Variants in RYR1 observed in about 807,000 individuals in gnomAD.
RYR1 encodes ryanodine receptor 1.
In RYR1, 342 loss-of-function variants were observed where a neutral mutation model predicts 583.5. That is an observed-to-expected ratio of 0.59 (90% CI 0.54 to 0.64). The LOEUF (loss-of-function observed/expected upper bound fraction) is 0.64, where lower values mean the gene tolerates loss of function less well. RYR1 is among the 30% of genes least tolerant of loss of function. RYR1 has a pLI of 0.00. For missense variants in RYR1, 6,032 were observed against 6,917.2 expected, an observed-to-expected ratio of 0.87 and a Z score of 4.54; for synonymous variants, 2,791 against 2,822.5, an observed-to-expected ratio of 0.99 and a Z score of 0.35.
At chr19:38,528,554 A>T (rs1238373258) in intron 74 of RYR1, 45 bp from the exon 75 acceptor site, 1 of 1,607,488 alleles carries the variant, frequency 6.2e-7, no homozygotes, top group East Asian at 2.2e-5. Flanking sequence ...GTCGGGAAGC[A>T]CGGAGGAGGG....
chr19:38,496,333 A>C lies in RYR1; in HGVS notation c.6663+4A>C. 1.2e-6 allele frequency: 2 copies of C among 1,613,932 alleles called. No individual in the cohort carries two copies. Among genetic ancestry groups the C allele is most frequent in the Non-Finnish European group, 1.7e-6 (2 of 1,180,014 alleles). Reference sequence around the variant, plus strand: ...CCTCGGGGGCGGCGAGTCCAAGGTGAGGGCCCAGGCAGGTGCTGGGGAGCT... The same window carrying C: ...CCTCGGGGGCGGCGAGTCCAAGGTGCGGGCCCAGGCAGGTGCTGGGGAGCT... On this transcript the variant is annotated splice_donor_region_variant and intron_variant, in intron 40 of 105. Transcript: ENST00000359596. The surrounding 1 kb of genome is among the most constrained non-coding windows in gnomAD (Gnocchi z 4.8).
At chr19:38,523,712 C>A in intron 69 of RYR1, 2 of 655,816 alleles carry the variant, frequency 3.0e-6, no homozygotes, top group Non-Finnish European at 5.5e-6. Flanking sequence ...TCCTGCTTTC[C>A]TCCCTATCCT....
intron 89 of RYR1, among the ~76,000 whole-genome samples, chr19:38,552,269 T>C (rs1428227108): frequency 6.6e-6 from 1 of 150,858 alleles, no homozygotes; most frequent in Non-Finnish European, 1.5e-5. Context: ...TTTTTTTTTT[T>C]TGAGATGGAG....
At chr19:38,568,437 T>C (rs1193234512) in intron 93 of RYR1, among the ~76,000 whole-genome samples, 1 of 151,794 alleles carries the variant, frequency 6.6e-6, no homozygotes, top group Non-Finnish European at 1.5e-5. Context: ...CCTGGCCCGA[T>C]AGGAGGGGGT....
At chr19:38,479,529 T>G (rs1164135864) in intron 31 of RYR1, among the ~76,000 whole-genome samples, 1 of 151,562 alleles carries the variant, frequency 6.6e-6, no homozygotes, top group Non-Finnish European at 1.5e-5. Context: ...TGTCTCAGCT[T>G]CCTAAGTAGC....
At position 38,455,694 on chromosome 19, in the gene RYR1, G is replaced by C. The variant is rs1353354857; in HGVS notation, c.1734G>C (p.Gln578His). ...IESPEVLNII[Q>H]ENHIKSIISL... ...GTCCAGAGGTTCTGAACATCATCCAGGAGAATCACATCAAGTCCATCATCT... is the reference window on the plus strand; with the variant it reads ...GTCCAGAGGTTCTGAACATCATCCACGAGAATCACATCAAGTCCATCATCT... The change falls in exon 16 of 106, where the codon CAG becomes CAC. Residue 578 changes from glutamine to histidine, a missense_variant. By Grantham distance (24) the Gln-to-His change is conservative (BLOSUM62 0). This residue lies in a region of RYR1 where 2,627 missense variants were observed against 2,961.3 expected (regional missense o/e 0.89). Transcript: ENST00000359596. 3.7e-6 allele frequency: 6 copies of C among 1,614,016 alleles called. No homozygotes were observed. Among genetic ancestry groups the C allele is most frequent in the Non-Finnish European group, 4.2e-6 (5 of 1,179,986 alleles).
At position 38,561,040 on chromosome 19, in the gene RYR1, TAAAAA is replaced by T. The variant is rs550360145; in HGVS notation, c.12283-60_12283-56del. On this transcript the variant is annotated intron_variant, in intron 89 of 105. Coordinates refer to ENST00000359596, the MANE Select transcript of RYR1 (RefSeq NM_000540.3). The surrounding 1 kb of genome is among the most constrained non-coding windows in gnomAD (Gnocchi z 4.8). ...TGGGCGACACAGCGAGACCTTGTCT[TAAAAA>T]AAAAAAAAAAAAGAGAGAGAATTGA... 7.2e-5 allele frequency: 83 copies of T among 1,160,674 alleles called. No homozygotes were observed. The highest frequency in any genetic ancestry group is 9.7e-5 in the Admixed American group (4 of 41,042). 71.9% of individuals were successfully genotyped at this position (1,160,674 alleles called of 1,614,324 possible).
At chr19:38,497,076 A>C in intron 42 of RYR1, 122 bp downstream of exon 42, 1 of 778,580 alleles carries the variant, frequency 1.3e-6, no homozygotes, top group Non-Finnish European at 2.2e-6. Context: ...TCCAGTGCCC[A>C]ACCAGAAGGA....
chr19:38,453,291 A>G (rs1167099339), intron 13 of RYR1, among the ~76,000 whole-genome samples: 1 of 150,694 alleles, frequency 6.6e-6, no homozygotes, highest in Non-Finnish European at 1.5e-5. Flanking sequence ...CCTGGAGAGA[A>G]GGATGGAATA....
chr19:38,550,633 C>A (rs1489789123), intron 89 of RYR1, among the ~76,000 whole-genome samples: 1 of 152,154 alleles, frequency 6.6e-6, no homozygotes, highest in Non-Finnish European at 1.5e-5. Context: ...GCCTCAGCCA[C>A]CCAAAGTGCT....
intron 93 of RYR1, among the ~76,000 whole-genome samples, chr19:38,570,381 G>A (rs1226445156): frequency 2.0e-5 from 3 of 152,104 alleles, no homozygotes; most frequent in Admixed American, 6.5e-5. Context: ...GAACCCGGGC[G>A]GCAGAGGTTG....
chr19:38,532,694 G>A lies in RYR1; in HGVS notation c.11217G>A (p.Gly3739=), dbSNP rs148659292. 2.3e-5 allele frequency: 37 copies of A among 1,613,994 alleles called. No homozygotes were observed. The African/African-American group carries it at 4.9e-4, about 22-fold the overall frequency. ...MAKSCHLEEG[G]ENGEAEEEVE... is the part of the protein sequence containing the mutation. ...AGAGCTGCCACCTGGAGGAGGGAGG[G>A]GAGAACGGTGAAGCTGAAGAGGAGG... The change falls in exon 78 of 106, where the codon GGG becomes GGA. Residue 3739 remains glycine, a synonymous_variant. Transcript: ENST00000359596.
intron 84 of RYR1, among the ~76,000 whole-genome samples, chr19:38,540,114 C>CG (rs1382117953): frequency 2.0e-5 from 3 of 151,934 alleles, no homozygotes; most frequent in South Asian, 2.1e-4. Flanking sequence ...GAAAGAAAAA[C>CG]GGGGGGCAAA....
intron 88 of RYR1, 88 bp from the exon 89 acceptor site, chr19:38,548,145 G>A: frequency 6.3e-6 from 9 of 1,430,838 alleles, no homozygotes. Flanking sequence ...CAGCAGCGTG[G>A]TGGCTCCTGG....
intron 99 of RYR1, among the ~76,000 whole-genome samples, chr19:38,578,506 A>G (rs558791155): frequency 1.3e-5 from 2 of 152,304 alleles, no homozygotes; most frequent in Admixed American, 6.5e-5. Context: ...AGCCTGGGCA[A>G]TATAGTGAGA....
In RYR1 at chr19:38,473,411, C is replaced by G. The variant is rs150495044; in HGVS notation, c.3800C>G (p.Pro1267Arg). The change falls in exon 28 of 106, where the codon CCC becomes CGC. Residue 1267 changes from proline to arginine, a missense_variant. Physicochemically the swap from Pro to Arg is moderately radical, Grantham distance 103 (BLOSUM62 -2). This residue lies in a region of RYR1 where 2,627 missense variants were observed against 2,961.3 expected (regional missense o/e 0.89). Coordinates refer to ENST00000359596, the MANE Select transcript of RYR1 (RefSeq NM_000540.3). The part of the protein sequence containing the change: ...SRVDGTVDTP[P>R]CLRLTHRTWG... Reference sequence around the variant, plus strand: ...GTGGACGGCACTGTGGACACGCCCCCCTGCCTGCGCCTGACCCACCGCACC... The same window carrying G: ...GTGGACGGCACTGTGGACACGCCCCGCTGCCTGCGCCTGACCCACCGCACC... The G allele has an allele frequency of 9.3e-6, 15 of 1,613,882 alleles. No individual in the cohort carries two copies. The highest frequency in any genetic ancestry group is 2.2e-5 in the East Asian group (1 of 44,866).
In RYR1 at chr19:38,473,430, C is replaced by T. The variant is rs1193901122; in HGVS notation, c.3819C>T (p.His1273=). The change falls in exon 28 of 106, where the codon CAC becomes CAT. Residue 1273 remains histidine, a synonymous_variant. Coordinates refer to ENST00000359596, the MANE Select transcript of RYR1 (RefSeq NM_000540.3). ...VDTPPCLRLT[H]RTWGSQNSLV... ...CGCCCCCCTGCCTGCGCCTGACCCA[C>T]CGCACCTGGGGCTCCCAGAACAGCC... 6.2e-7 allele frequency: 1 copy of T among 1,613,968 alleles called. No individual in the cohort carries two copies. The highest frequency in any genetic ancestry group is 8.5e-7 in the Non-Finnish European group (1 of 1,179,962).
chr19:38,475,130 C>T (rs1968650519), intron 28 of RYR1, among the ~76,000 whole-genome samples, 188 bp from the exon 29 acceptor site: 2 of 152,162 alleles, frequency 1.3e-5, no homozygotes, highest in South Asian at 4.1e-4. Context: ...ACTCAGCATC[C>T]ACAAGCGCAG....
Position 38,463,522 on chromosome 19 carries a change from G to A in RYR1, c.2677G>A (p.Gly893Ser), listed in dbSNP as rs147336515. The A allele has an allele frequency of 3.4e-4, 543 of 1,611,748 alleles. No homozygotes were observed. In the African/African-American group the frequency reaches 6.4e-3, roughly 19 times the overall value. The change falls in exon 21 of 106, where the codon GGC becomes AGC. Residue 893 changes from glycine (G) to serine (S), a missense_variant. Transcript: ENST00000359596. ...LTRIEQGWTY[G>S]PVRDDNKRLH... Reference sequence around the variant, plus strand: ...CCGCATCGAGCAGGGCTGGACCTACGGCCCGGTGAGGGGCTGCCTGCAGCC... The same window carrying A: ...CCGCATCGAGCAGGGCTGGACCTACAGCCCGGTGAGGGGCTGCCTGCAGCC...
Sources: gnomAD v4.1 joint callset for allele counts (sites outside exome capture counted in the v4.1 genomes callset) on GRCh38, gnomAD v4.1.1 for gene constraint, gnomAD v4.1.1 regional missense constraint, Gnocchi (gnomAD v3.1) non-coding constraint, MANE v1.5 for transcripts, NCBI Gene and HGNC (gene_info 2026-07-23, HGNC 2026-07-21) for gene names.